VPS13B: variants seen among roughly 807,000 people sequenced by gnomAD.
VPS13B encodes the protein vacuolar protein sorting 13 homolog B, also known as intermembrane lipid transfer protein VPS13B.
In VPS13B, 285 loss-of-function variants were observed where a neutral mutation model predicts 426.4. The observed-to-expected ratio is 0.67, with a 90% CI of 0.61 to 0.74. The LOEUF (loss-of-function observed/expected upper bound fraction) is 0.74. Among genes scored for constraint, VPS13B ranks in the 30% least tolerant of loss-of-function variants. The probability of loss-of-function intolerance (pLI) is 0.00; values close to 1 mark genes in which losing one functional copy is unlikely to be tolerated. For synonymous variants in VPS13B, 1,676 were observed against 1,676.4 expected (o/e 1.00, Z 0.01); for missense variants, 4,537 against 4,782.6 (o/e 0.95, Z 1.51).
At chr8:99,290,398 C>T (rs1023521270) in intron 19 of VPS13B, among the ~76,000 whole-genome samples, 5 of 151,826 alleles carry the variant, frequency 3.3e-5, no homozygotes, top group Admixed American at 6.6e-5. Flanking sequence ...AGCAAACTAA[C>T]GCAAGAACAA....
intron 4 of VPS13B, among the ~76,000 whole-genome samples, chr8:99,097,467 G>A (rs1407984184): frequency 6.6e-6 from 1 of 152,096 alleles, no homozygotes; most frequent in Non-Finnish European, 1.5e-5. Context: ...TAACTGTTTA[G>A]GATAGGAGCC....
chr8:99,261,019 C>T (rs191154298), intron 17 of VPS13B, among the ~76,000 whole-genome samples: 199 of 151,878 alleles, frequency 1.3e-3, no homozygotes, highest in Middle Eastern at 6.8e-3. Flanking sequence ...ACAGAGATTT[C>T]CCTTATACCC....
intron 2 of VPS13B, among the ~76,000 whole-genome samples, chr8:99,018,654 A>C (rs1180703815): frequency 6.6e-6 from 1 of 152,204 alleles, no homozygotes; most frequent in Non-Finnish European, 1.5e-5. Flanking sequence ...AGAGGTCATG[A>C]GAATAGACAT....
intron 19 of VPS13B, among the ~76,000 whole-genome samples, chr8:99,281,013 C>T (rs988402937): frequency 3.3e-5 from 5 of 152,114 alleles, no homozygotes; most frequent in Admixed American, 6.5e-5. Context: ...ACTGTTTTGG[C>T]GCCAGGGACC....
chr8:99,636,814 A>T (rs1410668451), intron 33 of VPS13B, among the ~76,000 whole-genome samples: 1 of 152,096 alleles, frequency 6.6e-6, no homozygotes, highest in Non-Finnish European at 1.5e-5. Flanking sequence ...TGAAAGCAGA[A>T]GGTCGAACTT....
intron 20 of VPS13B, among the ~76,000 whole-genome samples, chr8:99,388,971 A>G (rs1405096971): frequency 6.6e-6 from 1 of 152,132 alleles, no homozygotes; most frequent in Non-Finnish European, 1.5e-5. Context: ...TAAGATGGTG[A>G]AACCCTATCT....
At position 99,876,382 on chromosome 8, in the gene VPS13B, C is replaced by G. The variant is rs1328331299; in HGVS notation, c.*716C>G. On this transcript the variant is annotated 3_prime_UTR_variant, in exon 62 of 62. Coordinates refer to ENST00000357162, the MANE Select transcript of VPS13B (RefSeq NM_152564.5). ...CAACAGTCTGATGATTGATTGATTACTGTCCAGGTACATTTTAGAAAAAGT... is the reference window on the plus strand; with the variant it reads ...CAACAGTCTGATGATTGATTGATTAGTGTCCAGGTACATTTTAGAAAAAGT... The G allele has an allele frequency of 6.6e-6, 1 of 152,522 alleles. No individual in the cohort carries two copies. Among genetic ancestry groups the G allele is most frequent in the East Asian group, 1.9e-4 (1 of 5,200 alleles). The allele number at this position is 152,522 out of a possible 1,614,324, so 9.4% of individuals were successfully genotyped here. A position where few individuals can be genotyped will look rare whatever the true frequency, so the allele number is the denominator to read the frequency against.
intron 33 of VPS13B, among the ~76,000 whole-genome samples, chr8:99,583,479 A>G (rs1011854750): frequency 6.6e-6 from 1 of 152,208 alleles, no homozygotes. Context: ...ATGAACTGTC[A>G]TTGAGCTTAT....
chr8:99,460,241 A>T (rs1400159534), intron 23 of VPS13B, among the ~76,000 whole-genome samples: 2 of 151,340 alleles, frequency 1.3e-5, no homozygotes, highest in African/African-American at 2.4e-5. Context: ...TTCTCTATTC[A>T]TTTTTGTACT....
At chr8:99,514,280 C>CT (rs1439214618) in intron 29 of VPS13B, among the ~76,000 whole-genome samples, 2 of 152,042 alleles carry the variant, frequency 1.3e-5, no homozygotes, top group Admixed American at 1.3e-4. Flanking sequence ...TGTTTTTTCT[C>CT]TTTTTTATTG....
At chr8:99,182,042 A>G (rs750864861) in intron 16 of VPS13B, among the ~76,000 whole-genome samples, 3 of 152,220 alleles carry the variant, frequency 2.0e-5, no homozygotes, top group African/African-American at 7.2e-5. Flanking sequence ...ACAACTATAC[A>G]TAAGGGAATT....
chr8:99,693,756 G>C (rs1331794886), intron 35 of VPS13B, among the ~76,000 whole-genome samples: 1 of 146,148 alleles, frequency 6.8e-6, no homozygotes, highest in African/African-American at 2.5e-5. Flanking sequence ...AAGTCAAATT[G>C]TCCCTGTTTG....
chr8:99,063,784 C>A (rs1051368165), intron 3 of VPS13B, among the ~76,000 whole-genome samples: 1 of 152,192 alleles, frequency 6.6e-6, no homozygotes, highest in African/African-American at 2.4e-5. Context: ...GGTCCCTGAC[C>A]CCTGTGTAGC....
Position 99,729,916 on chromosome 8 carries a change from T to A in VPS13B, c.7050+8869T>A, listed in dbSNP as rs1207535026. Among the ~76,000 whole-genome samples the A allele has an allele frequency of 2.0e-5, 3 of 152,228 alleles. No homozygotes were observed. The East Asian group carries it at 5.8e-4, about 29-fold the overall frequency. ...ATTTGACTTTACAAGCTTCCCGTAA[T>A]TTTGAAGCACCTGGACCTGATAGGC... On this transcript the variant is annotated intron_variant, in intron 39 of 61. Coordinates refer to ENST00000357162, the MANE Select transcript of VPS13B (RefSeq NM_152564.5).
chr8:99,370,778 T>C (rs535815712), intron 19 of VPS13B, among the ~76,000 whole-genome samples: 38 of 152,014 alleles, frequency 2.5e-4, no homozygotes, highest in Non-Finnish European at 4.7e-4. Context: ...CCCGACTAAT[T>C]TTTGTATTTT....
rs1292129523 is a variant in VPS13B, at chr8:99,868,294, A to C, written c.11221A>C (p.Ile3741Leu). 7.4e-6 allele frequency: 12 copies of C among 1,614,108 alleles called. No individual in the cohort carries two copies. The highest frequency in any genetic ancestry group is 1.0e-5 in the Non-Finnish European group (12 of 1,180,018). The change falls in exon 59 of 62, where the codon ATT becomes CTT. Residue 3741 changes from isoleucine to leucine, a missense_variant. Ile to Leu is a conservative substitution (Grantham distance 5, BLOSUM62 2). Around this residue, in one of 2 missense-constraint regions of VPS13B, gnomAD observed 4,311 missense variants for 4,474.3 expected, o/e 0.96. Coordinates refer to ENST00000357162, the MANE Select transcript of VPS13B (RefSeq NM_152564.5). ...SRLGISLLGA[I>L]AGIVDQPMQN... ...GAGGGCTTTTGTTATTCCAGGTGCA[A>C]TTGCTGGTATAGTTGATCAGCCGAT... is the stretch of plus-strand genomic sequence containing the variant.
intron 19 of VPS13B, among the ~76,000 whole-genome samples, chr8:99,354,266 CTTTTTTTTTTTTTTTTTTTTTTTTT>C (rs71273176): frequency 2.0e-3 from 44 of 22,194 alleles, no homozygotes; most frequent in Middle Eastern, 0.033. Context: ...CTCCCCCTGC[CTTTTTTTTTTTTTTTTTTTTTTTTT>C]TTTTTTTTTT....
At chr8:99,099,334 C>G (rs543908113) in intron 4 of VPS13B, among the ~76,000 whole-genome samples, 7 of 152,126 alleles carry the variant, frequency 4.6e-5, no homozygotes, top group Admixed American at 4.6e-4. Flanking sequence ...ACATAATGCT[C>G]AAATAAATTT....
rs779699463 is a variant in VPS13B at position 99,365,971 on chromosome 8, G to GT, written c.2825-18225dup. On this transcript the variant is annotated intron_variant, in intron 19 of 61. Coordinates refer to ENST00000357162, the MANE Select transcript of VPS13B (RefSeq NM_152564.5). ...TTGATATTATCTCAGGTTTTTTGTTGTTTTTTTTTTTTAATGTTTTAAGAC... is the reference window on the plus strand; with the variant it reads ...TTGATATTATCTCAGGTTTTTTGTTGTTTTTTTTTTTTTAATGTTTTAAGAC... Among the ~76,000 whole-genome samples the GT allele has an allele frequency of 8.0e-3, 1,056 of 132,000 alleles. 5 individuals carry two copies. Among genetic ancestry groups the GT allele is most frequent in the East Asian group, 0.014 (63 of 4,596 alleles). The allele number at this position is 132,000 out of a possible 152,430, so 86.6% of individuals were successfully genotyped here.
Sources: gnomAD v4.1 joint callset for allele counts (sites outside exome capture counted in the v4.1 genomes callset) on GRCh38, gnomAD v4.1.1 for gene constraint, gnomAD v4.1.1 regional missense constraint, MANE v1.5 for transcripts, NCBI Gene and HGNC (gene_info 2026-07-23, HGNC 2026-07-21) for gene names.